L3MBTL3: variants seen among roughly 807,000 people sequenced by gnomAD.
The protein encoded by L3MBTL3 is L3MBTL histone methyl-lysine binding protein 3, also known as lethal(3)malignant brain tumor-like protein 3.
L3MBTL3 carries 27 observed loss-of-function variants against 102.3 expected under a neutral mutation model. The ratio of observed to expected loss-of-function variants is 0.26; its 90% CI spans 0.19 to 0.36. The LOEUF (loss-of-function observed/expected upper bound fraction) is 0.36, where lower values mean the gene tolerates loss of function less well. L3MBTL3 is among the 10% of genes least tolerant of loss of function. The pLI, the probability that L3MBTL3 is intolerant of heterozygous loss-of-function variation, is 1.00. For synonymous variants in L3MBTL3, 340 were observed against 320.9 expected (o/e 1.06, Z -0.64); for missense variants, 798 against 955.3 (o/e 0.84, Z 2.17).
intron 19 of L3MBTL3, among the ~76,000 whole-genome samples, chr6:130,106,567 A>G (rs914692286): frequency 6.6e-6 from 1 of 152,228 alleles, no homozygotes; most frequent in African/African-American, 2.4e-5. Flanking sequence ...CAAGCAAGAA[A>G]TGAAAATGTC....
chr6:130,125,443 C>A (rs972133822), intron 20 of L3MBTL3, among the ~76,000 whole-genome samples: 1 of 152,194 alleles, frequency 6.6e-6, no homozygotes, highest in African/African-American at 2.4e-5. Flanking sequence ...CAGTGCTCTT[C>A]TTCTGATGTT....
chr6:130,040,330 T>C (rs1780341916), intron 2 of L3MBTL3, among the ~76,000 whole-genome samples: 2 of 136,080 alleles, frequency 1.5e-5, no homozygotes, highest in African/African-American at 5.6e-5. Flanking sequence ...AAACTCTGTC[T>C]CAAAAAAAAA....
At chr6:130,051,929 G>A (rs1781122098) in intron 6 of L3MBTL3, among the ~76,000 whole-genome samples, 3 of 152,180 alleles carry the variant, frequency 2.0e-5, no homozygotes, top group Non-Finnish European at 2.9e-5. Context: ...GGCATCAGCT[G>A]TAACTGGTAG....
chr6:130,023,591 C>T (rs1779147158), intron 2 of L3MBTL3, among the ~76,000 whole-genome samples: 1 of 152,194 alleles, frequency 6.6e-6, no homozygotes, highest in Non-Finnish European at 1.5e-5. Flanking sequence ...ATATGTCACT[C>T]TACCTCCTTC....
Position 130,099,140 on chromosome 6 carries a change from G to A in L3MBTL3, c.1736+4773G>A, listed in dbSNP as rs934160310. The stretch of plus-strand genomic sequence containing the variant: ...AAACATTCTTAGAGGAGCCAGTGGG[G>A]CAAGTATTTGCATATTTAGCTGATA... On this transcript the variant is annotated intron_variant, in intron 18 of 22. Transcript: ENST00000361794. Among the ~76,000 whole-genome samples the A allele has an allele frequency of 2.0e-5, 3 of 152,188 alleles. No individual in the cohort carries two copies. The East Asian group carries it at 5.8e-4, about 29-fold the overall frequency.
intron 22 of L3MBTL3, chr6:130,137,603 G>C (rs1787835583): frequency 6.6e-6 from 1 of 151,390 alleles, no homozygotes; most frequent in Admixed American, 6.6e-5. Flanking sequence ...CAGCCACTAA[G>C]TTCTCTGGAT....
At chr6:130,097,015 G>A (rs1468467417) in intron 18 of L3MBTL3, among the ~76,000 whole-genome samples, 2 of 152,160 alleles carry the variant, frequency 1.3e-5, no homozygotes, top group African/African-American at 4.8e-5. Context: ...TGGACCAAGG[G>A]ATGCAATTCA....
chr6:130,140,879 G>T lies in L3MBTL3; in HGVS notation c.*1126G>T, dbSNP rs1319331928. The T allele has an allele frequency of 6.6e-6, 1 of 152,602 alleles. No individual in the cohort carries two copies. The highest frequency in any genetic ancestry group is 1.5e-5 in the Non-Finnish European group (1 of 68,038). The allele number at this position is 152,602 out of a possible 1,614,324, so 9.5% of individuals were successfully genotyped here. On this transcript the variant is annotated 3_prime_UTR_variant, in exon 23 of 23. Transcript: ENST00000361794. Reference sequence around the variant, plus strand: ...TTTGAAATGCTCACAGATCAGGGAGGTGATTTCCCAAAGTAATTGCCCAAG... The same window carrying T: ...TTTGAAATGCTCACAGATCAGGGAGTTGATTTCCCAAAGTAATTGCCCAAG...
Position 130,121,111 on chromosome 6 carries a change from A to G in L3MBTL3, c.1966+153A>G, listed in dbSNP as rs6907378. 0.039 allele frequency among the ~76,000 whole-genome samples: 5,969 copies of G among 152,152 alleles called. 205 individuals are homozygous for G. The highest frequency in any genetic ancestry group is 0.088 in the African/African-American group (3,669 of 41,510). On this transcript the variant is annotated intron_variant, in intron 20 of 22. Coordinates refer to ENST00000361794, the MANE Select transcript of L3MBTL3 (RefSeq NM_032438.4). Reference sequence around the variant, plus strand: ...ATTTTAGGTTCAGGGATACATGTGAAGGTTTGTTACATAGGTAAACTCGTG... The same window carrying G: ...ATTTTAGGTTCAGGGATACATGTGAGGGTTTGTTACATAGGTAAACTCGTG...
intron 1 of L3MBTL3, among the ~76,000 whole-genome samples, chr6:130,019,641 A>C (rs1778813231): frequency 6.7e-6 from 1 of 150,104 alleles, no homozygotes; most frequent in African/African-American, 2.4e-5. Context: ...GCACGCACAC[A>C]CACGGACCCG....
chr6:130,076,529 A>G (rs1435265908), intron 13 of L3MBTL3, among the ~76,000 whole-genome samples: 1 of 152,120 alleles, frequency 6.6e-6, no homozygotes, highest in Non-Finnish European at 1.5e-5. Context: ...ATTGGGTCTT[A>G]GCAGTCATTA....
At chr6:130,078,817 G>C (rs541284350) in intron 14 of L3MBTL3, among the ~76,000 whole-genome samples, 183 bp downstream of exon 14, 1 of 152,274 alleles carries the variant, frequency 6.6e-6, no homozygotes, top group East Asian at 1.9e-4. Flanking sequence ...ATGTGCATGG[G>C]TGTGTTGCAG....
intron 3 of L3MBTL3, among the ~76,000 whole-genome samples, chr6:130,043,967 A>G (rs1354313715): frequency 4.6e-5 from 7 of 152,238 alleles, no homozygotes; most frequent in African/African-American, 7.2e-5. Flanking sequence ...TATGACCTTG[A>G]AAAAGCCAGT....
At chr6:130,110,177 A>G (rs977552413) in intron 19 of L3MBTL3, among the ~76,000 whole-genome samples, 1 of 152,118 alleles carries the variant, frequency 6.6e-6, no homozygotes, top group Non-Finnish European at 1.5e-5. Flanking sequence ...TCTTGGCTAT[A>G]TGGACTCTTC....
chr6:130,137,799 T>G (rs1787862827), intron 22 of L3MBTL3: 1 of 152,334 alleles, frequency 6.6e-6, no homozygotes, highest in South Asian at 2.1e-4. Flanking sequence ...TATAAGGCTG[T>G]CCATTGTACT....
At position 130,071,087 on chromosome 6, in the gene L3MBTL3, C is replaced by G; in HGVS notation, c.1204C>G (p.Leu402Val). The G allele has an allele frequency of 6.2e-7, 1 of 1,612,978 alleles. No homozygotes were observed. The highest frequency in any genetic ancestry group is 8.5e-7 in the Non-Finnish European group (1 of 1,179,362). The stretch of plus-strand genomic sequence containing the variant: ...AACAGATATGGTGGACAATCGTTTC[C>G]TGGTACATTTTGACAACTGGGATGA... ...TVTDMVDNRFLVHFDNWDESY... is the reference protein window; with the variant it reads ...TVTDMVDNRFVVHFDNWDESY... The change falls in exon 13 of 23, where the codon CTG (leucine) becomes GTG (valine). Residue 402 changes from leucine to valine, a missense_variant. Physicochemically the swap from Leu to Val is conservative, Grantham distance 32 (BLOSUM62 1). This residue lies in a region of L3MBTL3 where 434 missense variants were observed against 506.6 expected (regional missense o/e 0.86). Transcript: ENST00000361794.
At chr6:130,065,412 C>CAA (rs1254928955) in intron 10 of L3MBTL3, among the ~76,000 whole-genome samples, 1 of 152,186 alleles carries the variant, frequency 6.6e-6, no homozygotes, top group East Asian at 1.9e-4. Flanking sequence ...CCCCACATGT[C>CAA]TAATTTTCTC....
At chr6:130,118,994 G>A (rs1785928547) in intron 19 of L3MBTL3, among the ~76,000 whole-genome samples, 1 of 152,134 alleles carries the variant, frequency 6.6e-6, no homozygotes, top group African/African-American at 2.4e-5. Flanking sequence ...CATAGCTCAA[G>A]TCTTCTATCT....
intron 16 of L3MBTL3, 23 bp from the exon 17 acceptor site, chr6:130,092,722 G>A (rs1784135240): frequency 4.1e-6 from 6 of 1,468,098 alleles, no homozygotes; most frequent in Middle Eastern, 3.5e-4. Context: ...AATTTGTACT[G>A]TTAATGTCCT....
Sources: gnomAD v4.1 joint callset for allele counts (sites outside exome capture counted in the v4.1 genomes callset) on GRCh38, gnomAD v4.1.1 for gene constraint, gnomAD v4.1.1 regional missense constraint, MANE v1.5 for transcripts, NCBI Gene and HGNC (gene_info 2026-07-23, HGNC 2026-07-21) for gene names.